The following MACROD2 variants were observed in gnomAD, a reference collection of about 807,000 sequenced individuals.
MACROD2 encodes the protein ADP-ribose glycohydrolase MACROD2.
In MACROD2, 36 loss-of-function variants were observed where a neutral mutation model predicts 70.4. The observed-to-expected ratio is 0.51, with a 90% CI of 0.39 to 0.68. The LOEUF is 0.68. Ranked by LOEUF, MACROD2 falls within the 30% of genes least tolerant of loss-of-function variation. The pLI is 0.00. For synonymous variants in MACROD2, 172 were observed against 178.8 expected, an observed-to-expected ratio of 0.96 and a Z score of 0.30; for missense variants, 496 against 538.4, an observed-to-expected ratio of 0.92 and a Z score of 0.78.
intron 4 of MACROD2, among the ~76,000 whole-genome samples, chr20:14,593,857 G>A (rs1981941591): frequency 6.6e-6 from 1 of 152,060 alleles, no homozygotes; most frequent in Admixed American, 6.6e-5. Flanking sequence ...TACTTAACTA[G>A]ACATTAAGAA....
At chr20:15,833,221 A>C (rs1276295758) in intron 8 of MACROD2, among the ~76,000 whole-genome samples, 1 of 152,208 alleles carries the variant, frequency 6.6e-6, no homozygotes, top group Non-Finnish European at 1.5e-5. Context: ...TGATGGCTGA[A>C]AATAGAACCC....
intron 8 of MACROD2, among the ~76,000 whole-genome samples, chr20:15,662,704 G>A (rs1365846466): frequency 7.8e-6 from 1 of 127,582 alleles, no homozygotes; most frequent in East Asian, 2.8e-4. Flanking sequence ...GCTTGTACAA[G>A]CTCAGAGAGG....
chr20:14,397,226 C>A lies in MACROD2; in HGVS notation c.272-96253C>A, dbSNP rs529376435. Among the ~76,000 whole-genome samples, 31 of 152,148 alleles carry A rather than the reference C, an allele frequency of 2.0e-4. No homozygotes were observed. The East Asian group carries it at 5.9e-3, about 29-fold the overall frequency. On this transcript the variant is annotated intron_variant, in intron 3 of 17. Transcript: ENST00000684519. ...GCCAGGCTGATCTTGAACTCCTGAC[C>A]TAGTGATCTGCCTGCCTTGGCCTCC...
intron 3 of MACROD2, among the ~76,000 whole-genome samples, chr20:14,340,209 T>C (rs945066789): frequency 1.3e-5 from 2 of 152,190 alleles, no homozygotes; most frequent in African/African-American, 2.4e-5. Flanking sequence ...CAGGAAGGAC[T>C]TGGCTCAGGG....
intron 3 of MACROD2, among the ~76,000 whole-genome samples, chr20:14,386,058 C>A (rs997184530): frequency 1.1e-4 from 17 of 152,120 alleles, no homozygotes; most frequent in African/African-American, 4.1e-4. Flanking sequence ...GTGTGAGGCC[C>A]TTTGTTAAAT....
intron 5 of MACROD2, among the ~76,000 whole-genome samples, chr20:15,211,950 C>A (rs966651651): frequency 6.6e-6 from 1 of 152,142 alleles, no homozygotes; most frequent in African/African-American, 2.4e-5. Context: ...TAACTGTTTT[C>A]CAAAGTGGCA....
intron 4 of MACROD2, among the ~76,000 whole-genome samples, chr20:14,525,156 T>C (rs1210028829): frequency 2.0e-5 from 3 of 152,220 alleles, no homozygotes; most frequent in Non-Finnish European, 4.4e-5. Flanking sequence ...TATTGGTGTT[T>C]AAATAGATGT....
At chr20:15,168,354 T>A (rs1296009151) in intron 5 of MACROD2, among the ~76,000 whole-genome samples, 1 of 152,056 alleles carries the variant, frequency 6.6e-6, no homozygotes, top group Non-Finnish European at 1.5e-5. Flanking sequence ...CCTAGGATCC[T>A]ATGCCAAGGA....
chr20:15,728,279 G>C (rs1358192800), intron 8 of MACROD2, among the ~76,000 whole-genome samples: 1 of 151,964 alleles, frequency 6.6e-6, no homozygotes, highest in East Asian at 1.9e-4. Flanking sequence ...TTAGCTTTTT[G>C]ATATGCTACT....
rs1028816311 is a variant in MACROD2, at chr20:14,493,635, T to A, written c.301+127T>A. 8.6e-6 allele frequency: 6 copies of A among 699,056 alleles called. No individual in the cohort carries two copies. In the African/African-American group the frequency reaches 9.2e-5, roughly 11 times the overall value. The allele number at this position is 699,056 out of a possible 1,614,324, so 43.3% of individuals were successfully genotyped here. ...CTGTAGTCATCAATTACAAAAATGT[T>A]AATCTTTCAAAAATAATTTATAATA... is the stretch of plus-strand genomic sequence containing the variant. On this transcript the variant is annotated intron_variant, in intron 4 of 17. Coordinates refer to ENST00000684519, the MANE Select transcript of MACROD2 (RefSeq NM_001351661.2).
intron 6 of MACROD2, among the ~76,000 whole-genome samples, chr20:15,332,991 T>TA (rs1310438866): frequency 6.6e-6 from 1 of 151,682 alleles, no homozygotes; most frequent in Non-Finnish European, 1.5e-5. Context: ...AATGTGTGGT[T>TA]AGAGGTGGTA....
intron 4 of MACROD2, chr20:14,627,247 CTGA>C (rs1161734578): frequency 6.6e-6 from 1 of 152,180 alleles, no homozygotes; most frequent in Non-Finnish European, 1.5e-5. Context: ...GTAGTGTTGC[CTGA>C]TGATGATTCA....
chr20:14,194,137 A>G (rs1316632578), intron 3 of MACROD2, among the ~76,000 whole-genome samples: 1 of 152,192 alleles, frequency 6.6e-6, no homozygotes, highest in Non-Finnish European at 1.5e-5. Context: ...TTAATGCTCC[A>G]TATCAGAATT....
chr20:15,554,938 A>G (rs1039134038), intron 8 of MACROD2, among the ~76,000 whole-genome samples: 3 of 152,230 alleles, frequency 2.0e-5, no homozygotes, highest in African/African-American at 4.8e-5. Context: ...ATTCATTTCA[A>G]ACCATACAAA....
At chr20:15,874,908 G>C (rs1340871775) in intron 9 of MACROD2, among the ~76,000 whole-genome samples, 1 of 152,070 alleles carries the variant, frequency 6.6e-6, no homozygotes, top group Non-Finnish European at 1.5e-5. Flanking sequence ...CTAGAGGTGG[G>C]GTCAATGTCA....
At chr20:16,010,810 G>A (rs2066853576) in intron 15 of MACROD2, among the ~76,000 whole-genome samples, 1 of 152,140 alleles carries the variant, frequency 6.6e-6, no homozygotes, top group African/African-American at 2.4e-5. Flanking sequence ...CGATTATTTA[G>A]GATTTGGATT....
chr20:14,882,529 A>G (rs2073621682), intron 5 of MACROD2, among the ~76,000 whole-genome samples: 1 of 152,212 alleles, frequency 6.6e-6, no homozygotes, highest in Non-Finnish European at 1.5e-5. Context: ...TAGATTGGGA[A>G]GTTGGGTTGT....
At chr20:15,942,981 C>A (rs2065771152) in intron 12 of MACROD2, among the ~76,000 whole-genome samples, 1 of 152,118 alleles carries the variant, frequency 6.6e-6, no homozygotes, top group Non-Finnish European at 1.5e-5. Context: ...TTTGGAACAC[C>A]ATGTAAGTCA....
At chr20:14,685,810 G>A (rs1375454607) in intron 5 of MACROD2, among the ~76,000 whole-genome samples, 2 of 152,124 alleles carry the variant, frequency 1.3e-5, no homozygotes, top group Non-Finnish European at 2.9e-5. Context: ...TTATGTAAAA[G>A]TGAAGCTGGT....
Sources: allele counts gnomAD v4.1 joint callset (sites outside exome capture counted in the v4.1 genomes callset), GRCh38; gene constraint gnomAD v4.1.1; transcripts MANE v1.5; gene names NCBI Gene and HGNC (gene_info 2026-07-23, HGNC 2026-07-21).